Variants in TENM2 observed in about 807,000 individuals in gnomAD.
The protein encoded by TENM2 is teneurin-2.
In TENM2, 52 loss-of-function variants were observed where a neutral mutation model predicts 245.2. The observed-to-expected ratio is 0.21, with a 90% CI of 0.17 to 0.27. The LOEUF (loss-of-function observed/expected upper bound fraction) is 0.27. TENM2 is among the 10% of genes least tolerant of loss of function. The pLI, the probability that TENM2 is intolerant of heterozygous loss-of-function variation, is 1.00. For missense variants in TENM2, 3,046 were observed against 3,666.8 expected, an observed-to-expected ratio of 0.83 and a Z score of 4.37; for synonymous variants, 1,363 against 1,438.9, an observed-to-expected ratio of 0.95 and a Z score of 1.19.
the TENM2 span, among the ~76,000 whole-genome samples, chr5:167,147,884 G>A: frequency 6.6e-6 from 1 of 152,092 alleles, no homozygotes. Flanking sequence ...TGTAGGTATA[G>A]CCAAGCCTCC....
intron 8 of TENM2, among the ~76,000 whole-genome samples, chr5:168,097,455 C>T (rs544296555): frequency 1.3e-5 from 2 of 152,226 alleles, no homozygotes; most frequent in South Asian, 2.1e-4. Flanking sequence ...AATTGAGTCT[C>T]GCTCTGTCAC....
chr5:168,003,410 G>A (rs978988557), intron 5 of TENM2, among the ~76,000 whole-genome samples: 2 of 151,608 alleles, frequency 1.3e-5, no homozygotes, highest in African/African-American at 2.4e-5. Context: ...TACCAAAAAG[G>A]GTGGGATGAA....
intron 2 of TENM2, among the ~76,000 whole-genome samples, chr5:167,570,601 C>T (rs1015620815): frequency 2.6e-5 from 4 of 151,444 alleles, no homozygotes; most frequent in Admixed American, 6.5e-5. Flanking sequence ...AGGGGAAAGG[C>T]GGTGTTACGA....
chr5:167,823,773 C>G (rs1767734916), intron 2 of TENM2, among the ~76,000 whole-genome samples: 1 of 152,110 alleles, frequency 6.6e-6, no homozygotes, highest in African/African-American at 2.4e-5. Context: ...AGTTTTAACC[C>G]TATCCTAAAT....
intron 25 of TENM2, among the ~76,000 whole-genome samples, chr5:168,240,411 C>T (rs1223928594): frequency 6.6e-6 from 1 of 152,156 alleles, no homozygotes; most frequent in Non-Finnish European, 1.5e-5. Context: ...AGACAGCAAG[C>T]TCTGTATGGG....
At chr5:168,057,450 T>C (rs2152077104) in intron 6 of TENM2, among the ~76,000 whole-genome samples, 1 of 152,264 alleles carries the variant, frequency 6.6e-6, no homozygotes, top group Non-Finnish European at 1.5e-5. Flanking sequence ...TCTGAGACAC[T>C]CTAATATAGA....
rs572715685 is a variant in TENM2, at chr5:168,158,037, C to T, written c.2423-4574C>T. On this transcript the variant is annotated intron_variant, in intron 12 of 28. Transcript: ENST00000518659. The stretch of plus-strand genomic sequence containing the variant: ...TTCCGGGTTCAAATGATTCTTCAGC[C>T]TCAGCCTCCTGAGAAGCTGGGATTA... 6.6e-5 allele frequency among the ~76,000 whole-genome samples: 10 copies of T among 152,276 alleles called. No individual in the cohort carries two copies. In the East Asian group the frequency reaches 1.9e-3, roughly 29 times the overall value.
rs1795755547 is a variant in TENM2, at chr5:168,125,164, T to G, written c.2209+114T>G. 3 of 851,220 alleles carry G rather than the reference T, an allele frequency of 3.5e-6. No homozygotes were observed. In the African/African-American group the frequency reaches 5.1e-5, roughly 14 times the overall value. 52.7% of individuals were successfully genotyped at this position (851,220 alleles called of 1,614,324 possible). A position where few individuals can be genotyped will look rare whatever the true frequency, so the allele number is the denominator to read the frequency against. On this transcript the variant is annotated intron_variant, in intron 11 of 28. Coordinates refer to ENST00000518659, the Ensembl canonical transcript of TENM2. Reference sequence around the variant, plus strand: ...TACTTAGCTGGGGATAAGGGGACTTTGATGAATCACATTGTGTCTTTCTCA... The same window carrying G: ...TACTTAGCTGGGGATAAGGGGACTTGGATGAATCACATTGTGTCTTTCTCA...
intron 9 of TENM2, among the ~76,000 whole-genome samples, chr5:168,115,428 GAAAA>G (rs200687788): frequency 1.5e-5 from 2 of 130,050 alleles, no homozygotes; most frequent in Non-Finnish European, 3.4e-5. Context: ...AGGAAGGAAA[GAAAA>G]AAAAAGAAAA....
chr5:167,616,112 A>G (rs1777774453), intron 2 of TENM2, among the ~76,000 whole-genome samples: 1 of 152,078 alleles, frequency 6.6e-6, no homozygotes, highest in Non-Finnish European at 1.5e-5. Flanking sequence ...CCACTTAATT[A>G]TTATCTTTGC....
At chr5:168,198,792 G>T in intron 15 of TENM2, 61 bp from the exon 18 acceptor site, 1 of 1,570,772 alleles carries the variant, frequency 6.4e-7, no homozygotes, top group Non-Finnish European at 8.7e-7. Context: ...AGGAGGAGAG[G>T]CATCCTGCCT....
chr5:167,105,310 T>G, the TENM2 span, among the ~76,000 whole-genome samples: 1 of 152,230 alleles, frequency 6.6e-6, no homozygotes, highest in African/African-American at 2.4e-5. Context: ...GCTTTTATTG[T>G]GTGATATTAT....
At chr5:167,628,419 C>G (rs1013161275) in intron 2 of TENM2, among the ~76,000 whole-genome samples, 5 of 152,188 alleles carry the variant, frequency 3.3e-5, no homozygotes, top group Admixed American at 1.3e-4. Flanking sequence ...TTTCAACATT[C>G]GGTTCCATTC....
At chr5:167,332,392 G>A (rs1407385252) in intron 1 of TENM2, among the ~76,000 whole-genome samples, 2 of 151,968 alleles carry the variant, frequency 1.3e-5, no homozygotes, top group Non-Finnish European at 2.9e-5. Context: ...TGTGCCTCAC[G>A]TGCCTCTGAA....
intron 27 of TENM2, among the ~76,000 whole-genome samples, chr5:168,252,744 G>A (rs1283409293): frequency 6.6e-6 from 1 of 151,826 alleles, no homozygotes; most frequent in Non-Finnish European, 1.5e-5. Flanking sequence ...CTACTTGGGA[G>A]GCTGAGGCAA....
chr5:167,456,825 A>G (rs1765953390), intron 2 of TENM2, among the ~76,000 whole-genome samples: 1 of 152,220 alleles, frequency 6.6e-6, no homozygotes, highest in Admixed American at 6.5e-5. Context: ...CATCAGGTTC[A>G]GGCAGATAAT....
chr5:167,860,896 C>T (rs1771728522), intron 2 of TENM2, among the ~76,000 whole-genome samples: 1 of 116,544 alleles, frequency 8.6e-6, no homozygotes, highest in Non-Finnish European at 1.7e-5. Context: ...ATCAGGGACA[C>T]AAACACTGCG....
intron 2 of TENM2, among the ~76,000 whole-genome samples, chr5:167,844,355 G>A (rs1463843184): frequency 6.6e-6 from 1 of 152,220 alleles, no homozygotes; most frequent in Non-Finnish European, 1.5e-5. Context: ...TGATTGACAA[G>A]CACCAGAGAT....
the TENM2 span, chr5:167,116,235 CAGA>C: frequency 3.3e-5 from 5 of 152,158 alleles, no homozygotes; most frequent in Admixed American, 1.3e-4. Flanking sequence ...TCACCTGTGA[CAGA>C]AGGAGAGGAA....
Sources: gnomAD v4.1 joint callset for allele counts (sites outside exome capture counted in the v4.1 genomes callset) on GRCh38, gnomAD v4.1.1 for gene constraint, MANE v1.5 for transcripts, NCBI Gene and HGNC (gene_info 2026-07-23, HGNC 2026-07-21) for gene names.